Variants in ARHGAP32 observed in about 807,000 individuals in gnomAD.
ARHGAP32 encodes the protein Rho GTPase activating protein 32, also known as rho GTPase-activating protein 32.
A neutral mutation model predicts 186.5 loss-of-function variants in ARHGAP32; 51 were observed. That is an observed-to-expected ratio of 0.27 (90% confidence interval 0.22 to 0.35). The LOEUF is 0.35. Ranked by LOEUF, ARHGAP32 falls within the 10% of genes least tolerant of loss-of-function variation. The pLI, the probability that ARHGAP32 is intolerant of heterozygous loss-of-function variation, is 1.00. For synonymous variants in ARHGAP32, 950 were observed against 964.3 expected (o/e 0.99, Z 0.27); for missense variants, 2,186 against 2,623.5 (o/e 0.83, Z 3.64).
At chr11:129,126,969 C>T (rs1021445060) in intron 2 of ARHGAP32, among the ~76,000 whole-genome samples, 1 of 152,082 alleles carries the variant, frequency 6.6e-6, no homozygotes, top group East Asian at 1.9e-4. Context: ...CTTTTCACTA[C>T]TCTGTATTGT....
chr11:129,079,839 A>G (rs1314017286), intron 6 of ARHGAP32, among the ~76,000 whole-genome samples: 1 of 152,224 alleles, frequency 6.6e-6, no homozygotes, highest in African/African-American at 2.4e-5. Context: ...CCAACCAAGT[A>G]TCTGCTGTCT....
At chr11:129,246,620 C>T (rs539647253) in intron 1 of ARHGAP32, among the ~76,000 whole-genome samples, 66 of 152,236 alleles carry the variant, frequency 4.3e-4, no homozygotes, top group African/African-American at 1.3e-3. Context: ...AACCTTTACG[C>T]GACAATCAGA....
At position 128,969,729 on chromosome 11, in the gene ARHGAP32, A is replaced by G; in HGVS notation, c.5484T>C (p.His1828=). ...CCTCGGGACTGATGGCCTTGGCTGC[A>G]TGGCGGCTCTCCTTTCCTTCTGCCA... is the stretch of plus-strand genomic sequence containing the variant. ...LSVAEGKESR[H]AAKAISPEGE... Residue 1828 remains histidine, a synonymous_variant, in exon 23 of 23, where the codon CAT becomes CAC. Transcript: ENST00000682385. This position sits in a 1 kb window ranked among gnomAD's most constrained non-coding sequence, Gnocchi z 4.8. 3 of 1,614,170 alleles carry G rather than the reference A, an allele frequency of 1.9e-6. No individual in the cohort carries two copies. The highest frequency in any genetic ancestry group is 2.5e-6 in the Non-Finnish European group (3 of 1,180,030).
upstream of ARHGAP32, among the ~76,000 whole-genome samples, chr11:129,193,580 ATT>A (rs1491145853): frequency 2.9e-4 from 17 of 59,016 alleles, no homozygotes; most frequent in African/African-American, 7.6e-4. Flanking sequence ...ATATATATAT[ATT>A]ATATAATATA....
At chr11:129,201,521 C>G (rs1944454261) in intron 1 of ARHGAP32, among the ~76,000 whole-genome samples, 1 of 152,000 alleles carries the variant, frequency 6.6e-6, no homozygotes, top group African/African-American at 2.4e-5. Flanking sequence ...AAAAAATAAT[C>G]AGAAAACCCT....
intron 5 of ARHGAP32, among the ~76,000 whole-genome samples, chr11:129,104,629 A>G (rs1016121329): frequency 1.8e-4 from 28 of 151,936 alleles, no homozygotes; most frequent in Non-Finnish European, 4.1e-4. Flanking sequence ...AGGAAGGCAT[A>G]AGGAGAGAGA....
At chr11:129,112,269 G>GAC (rs1942242519) in intron 5 of ARHGAP32, among the ~76,000 whole-genome samples, 1 of 151,934 alleles carries the variant, frequency 6.6e-6, no homozygotes, top group South Asian at 2.1e-4. Context: ...TTAGTCTGAG[G>GAC]AACTGATGGA....
chr11:129,096,089 C>T (rs1448208420), intron 5 of ARHGAP32, among the ~76,000 whole-genome samples: 1 of 152,158 alleles, frequency 6.6e-6, no homozygotes, highest in East Asian at 1.9e-4. Context: ...AGTTTACTGA[C>T]TTTAGTCTCA....
At chr11:129,174,435 C>G (rs1303369424) in intron 1 of ARHGAP32, among the ~76,000 whole-genome samples, 1 of 152,206 alleles carries the variant, frequency 6.6e-6, no homozygotes, top group African/African-American at 2.4e-5. Context: ...TGGGTAGAGC[C>G]CACCACAGCT....
chr11:129,063,133 T>TTTTAA, intron 9 of ARHGAP32, among the ~76,000 whole-genome samples: 1 of 152,172 alleles, frequency 6.6e-6, no homozygotes, highest in African/African-American at 2.4e-5. Context: ...CTATAGAGCT[T>TTTTAA]TAGGAATTTT....
intron 12 of ARHGAP32, among the ~76,000 whole-genome samples, chr11:128,988,442 T>G (rs1466262856): frequency 6.6e-6 from 1 of 152,202 alleles, no homozygotes; most frequent in Admixed American, 6.5e-5. Context: ...AGTTACACAT[T>G]ACAGCAAAGT....
intron 1 of ARHGAP32, among the ~76,000 whole-genome samples, chr11:129,225,391 A>C (rs1423948753): frequency 6.6e-6 from 1 of 152,152 alleles, no homozygotes. Context: ...ATGGCTAAGC[A>C]AAGTTATCAA....
chr11:129,104,451 T>G lies in ARHGAP32; in HGVS notation c.445-10744A>C, dbSNP rs529889869. 6.6e-5 allele frequency among the ~76,000 whole-genome samples: 10 copies of G among 152,094 alleles called. 2 individuals are homozygous for G. Among genetic ancestry groups the G allele is most frequent in the African/African-American group, 2.2e-4 (9 of 41,534 alleles). On this transcript the variant is annotated intron_variant, in intron 5 of 22. Coordinates refer to ENST00000682385, the MANE Select transcript of ARHGAP32 (RefSeq NM_001378024.1). ...AAAAATTTAGCCTTTAAATTAGGTT[T>G]TTGAGTTATGATTTTAATTGCAGCC...
At chr11:129,265,966 AT>A (rs1255056438) in intron 1 of ARHGAP32, among the ~76,000 whole-genome samples, 1 of 152,344 alleles carries the variant, frequency 6.6e-6, no homozygotes, top group East Asian at 1.9e-4. Context: ...GTTGAATCTC[AT>A]AAAAATAATT....
chr11:129,108,088 TG>T (rs1942099996), intron 5 of ARHGAP32, among the ~76,000 whole-genome samples: 1 of 151,688 alleles, frequency 6.6e-6, no homozygotes, highest in Non-Finnish European at 1.5e-5. Flanking sequence ...ACAGCAAAAA[TG>T]GGGGCAAAAA....
At chr11:129,279,240 CCCG>C (rs560200022) in exon 1 of ARHGAP32, 136,277 of 141,144 alleles carry the variant, frequency 0.97, 65,873 homozygotes, top group African/African-American at 0.99. Flanking sequence ...ACGCCCTCCG[CCCG>C]CCGCCGCCGC....
chr11:128,995,533 T>C (rs1946173989), intron 12 of ARHGAP32, among the ~76,000 whole-genome samples: 1 of 152,190 alleles, frequency 6.6e-6, no homozygotes, highest in African/African-American at 2.4e-5. Flanking sequence ...TTTAACAGCT[T>C]CAACATTTAT....
At chr11:129,190,961 T>C (rs1163580671) in intron 1 of ARHGAP32, among the ~76,000 whole-genome samples, 1 of 152,164 alleles carries the variant, frequency 6.6e-6, no homozygotes, top group Non-Finnish European at 1.5e-5. Context: ...ACTCTGAAAA[T>C]TATTCTTTTA....
At chr11:129,108,839 C>T (rs1470865214) in intron 5 of ARHGAP32, among the ~76,000 whole-genome samples, 1 of 152,084 alleles carries the variant, frequency 6.6e-6, no homozygotes, top group African/African-American at 2.4e-5. Context: ...TATTTTGTTA[C>T]AAGCACAGAA....
Sources: allele counts gnomAD v4.1 joint callset (sites outside exome capture counted in the v4.1 genomes callset), GRCh38; gene constraint gnomAD v4.1.1; non-coding constraint Gnocchi (gnomAD v3.1); transcripts MANE v1.5; gene names NCBI Gene and HGNC (gene_info 2026-07-23, HGNC 2026-07-21).